The following SYNE1 variants were observed in gnomAD, a reference collection of about 807,000 sequenced individuals.
The protein encoded by SYNE1 is nesprin-1.
SYNE1 carries 616 observed loss-of-function variants against 1,111.0 expected under a neutral mutation model. The observed-to-expected ratio is 0.55, with a 90% CI of 0.52 to 0.59. The LOEUF is 0.59. Ranked by LOEUF, SYNE1 falls within the 20% of genes least tolerant of loss-of-function variation. SYNE1 has a pLI of 0.00. For synonymous variants in SYNE1, 3,855 were observed against 3,825.8 expected, an observed-to-expected ratio of 1.01 and a Z score of -0.28; for missense variants, 10,006 against 10,417.0, an observed-to-expected ratio of 0.96 and a Z score of 1.72.
chr6:152,465,890 C>G, intron 17 of SYNE1, 92 bp downstream of exon 17: 2 of 960,318 alleles, frequency 2.1e-6, no homozygotes, highest in South Asian at 1.3e-5. Flanking sequence ...AAAAATTCCA[C>G]GGACAGAAAG....
rs200241821 is a variant in SYNE1 at position 152,417,047 on chromosome 6, A to G, written c.5422-32T>C. On this transcript the variant is annotated intron_variant, in intron 40 of 145. Transcript: ENST00000367255. Reference sequence around the variant, plus strand: ...GGGAAGAGAGAGTTATTGATTCCTGAGATACACTACAGTCTATGGCAGAGG... The same window carrying G: ...GGGAAGAGAGAGTTATTGATTCCTGGGATACACTACAGTCTATGGCAGAGG... 25 of 1,612,146 alleles carry G rather than the reference A, an allele frequency of 1.6e-5. No individual in the cohort carries two copies. The Admixed American group carries it at 4.0e-4, about 26-fold the overall frequency.
chr6:152,231,482 T>G lies in SYNE1; in HGVS notation c.20948A>C (p.Glu6983Ala). 1 of 1,614,176 alleles carries G rather than the reference T, an allele frequency of 6.2e-7. No homozygotes were observed. ...ATCAGTCTTATCACTACGCTTACTT[T>G]CCACATCCTGACTGCTGATTTGTAG... ...SVLQISSQDV[E>A]SKRSDKTDFA... The change falls in exon 114 of 146, where the codon GAA becomes GCA. Residue 6983 changes from glutamate to alanine, a missense_variant. This residue lies in a region of SYNE1 where 2,182 missense variants were observed against 2,287.8 expected (regional missense o/e 0.95). Transcript: ENST00000367255.
At chr6:152,565,516 C>A (rs2128255491) in intron 3 of SYNE1, among the ~76,000 whole-genome samples, 1 of 152,222 alleles carries the variant, frequency 6.6e-6, no homozygotes, top group South Asian at 2.1e-4. Flanking sequence ...TCTGACGACC[C>A]AATACCCATA....
At chr6:152,310,930 T>C (rs2095527769) in intron 87 of SYNE1, 57 bp from the exon 88 acceptor site, 1 of 1,556,138 alleles carries the variant, frequency 6.4e-7, no homozygotes, top group Non-Finnish European at 8.8e-7. Flanking sequence ...GATATAGATA[T>C]TCAATATAGC....
intron 49 of SYNE1, among the ~76,000 whole-genome samples, chr6:152,397,938 T>C (rs1165719423): frequency 1.3e-5 from 2 of 151,084 alleles, no homozygotes; most frequent in Non-Finnish European, 2.9e-5. Flanking sequence ...GAGGTGGAGG[T>C]TGCAGTAAGC....
intron 58 of SYNE1, among the ~76,000 whole-genome samples, chr6:152,375,461 G>A (rs2097263322): frequency 1.3e-5 from 2 of 152,120 alleles, no homozygotes; most frequent in Non-Finnish European, 2.9e-5. Context: ...ACTCAGAACT[G>A]CTGCTATGTG....
At chr6:152,522,293 A>C (rs2099143398) in intron 5 of SYNE1, among the ~76,000 whole-genome samples, 1 of 152,108 alleles carries the variant, frequency 6.6e-6, no homozygotes, top group Non-Finnish European at 1.5e-5. Flanking sequence ...CTCACTTACA[A>C]GTGAGAATAT....
In SYNE1 at chr6:152,224,618, C is replaced by T. The variant is rs1345070222; in HGVS notation, c.21398G>A (p.Ser7133Asn). 4 of 1,613,944 alleles carry T rather than the reference C, an allele frequency of 2.5e-6. No individual in the cohort carries two copies. The highest frequency in any genetic ancestry group is 3.4e-6 in the Non-Finnish European group (4 of 1,179,952). ...CTTGTCAAAGGCCACTTTGTGACTA[C>T]TCCATTGGTCAAGCACTGATTTCAG... The part of the protein sequence containing the change: ...ILLKSVLDQW[S>N]SHKVAFDKIN... Residue 7133 changes from serine to asparagine, a missense_variant, in exon 117 of 146, where the codon AGT (serine) becomes AAT (asparagine). Physicochemically the swap from Ser to Asn is conservative, Grantham distance 46. Transcript: ENST00000367255.
intron 124 of SYNE1, 66 bp downstream of exon 124, chr6:152,211,428 C>T: frequency 1.5e-6 from 2 of 1,370,104 alleles, no homozygotes; most frequent in Non-Finnish European, 2.1e-6. Flanking sequence ...CTCCAATCTG[C>T]TCATTAAAAA....
At position 152,180,314 on chromosome 6, in the gene SYNE1, A is replaced by C. The variant is rs766502788; in HGVS notation, c.23302-20T>G. On this transcript the variant is annotated intron_variant, in intron 128 of 145. Coordinates refer to ENST00000367255, the MANE Select transcript of SYNE1 (RefSeq NM_182961.4). Reference sequence around the variant, plus strand: ...GGAGAGCTGAAAAGTTTAAAATGGGAGAATAGGCAAAATGATTATCAGAGA... The same window carrying C: ...GGAGAGCTGAAAAGTTTAAAATGGGCGAATAGGCAAAATGATTATCAGAGA... 3 of 1,613,274 alleles carry C rather than the reference A, an allele frequency of 1.9e-6. No individual in the cohort carries two copies. Among genetic ancestry groups the C allele is most frequent in the Admixed American group, 3.3e-5 (2 of 60,020 alleles).
At chr6:152,326,898 C>T (rs2153956641) in intron 78 of SYNE1, among the ~76,000 whole-genome samples, 1 of 152,260 alleles carries the variant, frequency 6.6e-6, no homozygotes, top group East Asian at 1.9e-4. Context: ...AGTATCTTGA[C>T]TAGTTCTGAA....
rs777448648 is a variant in SYNE1, at chr6:152,472,361, C to T, written c.1403G>A (p.Arg468Gln). The change falls in exon 15 of 146, where the codon CGG becomes CAG. Residue 468 changes from arginine to glutamine, a missense_variant. Transcript: ENST00000367255. ...AHKRAFHEIY[R>Q]TRSVNGIPVP... ...TGGAATCCCGTTAACAGACCTGGTC[C>T]GGTAGATTTCATGGAATGCTCTTTT... 8 of 1,613,850 alleles carry T rather than the reference C, an allele frequency of 5.0e-6. No homozygotes were observed. The highest frequency in any genetic ancestry group is 1.1e-5 in the South Asian group (1 of 91,050).
chr6:152,523,247 G>T (rs951828142), intron 5 of SYNE1, among the ~76,000 whole-genome samples: 3 of 151,736 alleles, frequency 2.0e-5, no homozygotes, highest in Non-Finnish European at 2.9e-5. Flanking sequence ...GAGGGATAGG[G>T]GTCCAGTTTC....
intron 130 of SYNE1, among the ~76,000 whole-genome samples, chr6:152,165,319 C>A (rs952048276): frequency 6.6e-5 from 10 of 152,098 alleles, no homozygotes; most frequent in Admixed American, 1.3e-4. Flanking sequence ...CACTTCTGTT[C>A]CAGTTTCAAT....
At chr6:152,343,507 T>C (rs1159864647) in intron 74 of SYNE1, among the ~76,000 whole-genome samples, 1 of 150,076 alleles carries the variant, frequency 6.7e-6, no homozygotes, top group South Asian at 2.1e-4. Context: ...ATTTTCATTA[T>C]TCTTTTATTT....
At chr6:152,600,118 G>T (rs2099592648) in intron 3 of SYNE1, among the ~76,000 whole-genome samples, 1 of 152,184 alleles carries the variant, frequency 6.6e-6, no homozygotes, top group Non-Finnish European at 1.5e-5. Flanking sequence ...CAGTTGACAA[G>T]CCCTATGACT....
chr6:152,487,054 C>T (rs1018584399), intron 12 of SYNE1, among the ~76,000 whole-genome samples: 4 of 152,012 alleles, frequency 2.6e-5, no homozygotes, highest in Non-Finnish European at 5.9e-5. Context: ...TTTATTTTTT[C>T]TCCAACTTTT....
chr6:152,454,418 C>T (rs1434162572), intron 24 of SYNE1, among the ~76,000 whole-genome samples: 1 of 152,174 alleles, frequency 6.6e-6, no homozygotes, highest in Non-Finnish European at 1.5e-5. Context: ...ACTCTCTCTG[C>T]CATGTGAGGG....
rs1050647719 is a variant in SYNE1 at position 152,518,282 on chromosome 6, T to C, written c.309+2177A>G. 2.6e-5 allele frequency among the ~76,000 whole-genome samples: 4 copies of C among 151,252 alleles called. No individual in the cohort carries two copies. The Admixed American group carries it at 2.6e-4, about 10-fold the overall frequency. On this transcript the variant is annotated intron_variant, in intron 6 of 145. Coordinates refer to ENST00000367255, the MANE Select transcript of SYNE1 (RefSeq NM_182961.4). ...CCCATTCAAATTTCATATTGAAATG[T>C]GATCCCCAATGTTGAAAGTGAACCC...
Sources: allele counts gnomAD v4.1 joint callset (sites outside exome capture counted in the v4.1 genomes callset), GRCh38; gene constraint gnomAD v4.1.1; regional missense constraint gnomAD v4.1.1; transcripts MANE v1.5; gene names NCBI Gene and HGNC (gene_info 2026-07-23, HGNC 2026-07-21).